Variants in CHD8 observed in about 807,000 individuals in gnomAD.
The protein encoded by CHD8 is chromodomain helicase DNA binding protein 8.
A neutral mutation model predicts 279.2 loss-of-function variants in CHD8; 31 were observed. That is an observed-to-expected ratio of 0.11 (90% CI 0.08 to 0.15). The LOEUF (loss-of-function observed/expected upper bound fraction) is 0.15, where lower values mean the gene tolerates loss of function less well. CHD8 is among the 10% of genes least tolerant of loss of function. The pLI, the probability that CHD8 is intolerant of heterozygous loss-of-function variation, is 1.00. For synonymous variants in CHD8, 1,081 were observed against 1,139.6 expected (o/e 0.95, Z 1.04); for missense variants, 2,146 against 3,230.5 (o/e 0.66, Z 8.14).
chr14:21,447,395 AG>A (rs1594394765), intron 1 of CHD8, among the ~76,000 whole-genome samples: 1 of 148,442 alleles, frequency 6.7e-6, no homozygotes, highest in East Asian at 2.0e-4. Flanking sequence ...TTTTTGAGAC[AG>A]GGTCTCCCCA....
Position 21,431,208 on chromosome 14 carries a change from T to G in CHD8, c.436A>C (p.Ser146Arg). 1 of 1,599,156 alleles carries G rather than the reference T, an allele frequency of 6.3e-7. No homozygotes were observed. Among genetic ancestry groups the G allele is most frequent in the Non-Finnish European group, 8.5e-7 (1 of 1,179,670 alleles). Residue 146 changes from serine (S) to arginine (R), a missense_variant, in exon 2 of 38, where the codon AGT becomes CGT. Ser to Arg is a moderately radical substitution (Grantham distance 110). This residue lies in a region of CHD8 where 302 missense variants were observed against 325.5 expected (regional missense o/e 0.93). Coordinates refer to ENST00000646647, the MANE Select transcript of CHD8 (RefSeq NM_001170629.2). ...MGVSATAVSS[S>R]SAGGQPPQSA... ...TGAGGTGGCTGCCCTCCAGCACTAC[T>G]GGAGGAGACAGCTGTGGCAGAGACA...
intron 16 of CHD8, among the ~76,000 whole-genome samples, chr14:21,404,400 A>G (rs1298872738): frequency 1.6e-5 from 2 of 128,476 alleles, no homozygotes; most frequent in African/African-American, 7.2e-5. Context: ...CTCCATCTTA[A>G]AAAAAAAAAA....
Position 21,385,667 on chromosome 14 carries a change from A to G in CHD8, c.7692T>C (p.Ile2564=). The G allele has an allele frequency of 6.4e-7, 1 of 1,551,904 alleles. No homozygotes were observed. Reference sequence around the variant, plus strand: ...AGTTAGCTGGCATCATAGGATCATCAATGAGTGAGAAGTCCCTTTCTGAGC... The same window carrying G: ...AGTTAGCTGGCATCATAGGATCATCGATGAGTGAGAAGTCCCTTTCTGAGC... The part of the protein sequence containing the change: ...YDSSERDFSL[I]DDPMMPANSD... Residue 2564 remains isoleucine (I), a synonymous_variant, in exon 38 of 38, where the codon ATT becomes ATC. Coordinates refer to ENST00000646647, the MANE Select transcript of CHD8 (RefSeq NM_001170629.2).
intron 1 of CHD8, among the ~76,000 whole-genome samples, chr14:21,442,295 T>C (rs1594390941): frequency 6.6e-6 from 1 of 152,038 alleles, no homozygotes; most frequent in African/African-American, 2.4e-5. Flanking sequence ...GGCGAAACCC[T>C]GTCTCTACAG....
chr14:21,400,145 G>A lies in CHD8; in HGVS notation c.4727+6C>T. 2 of 1,613,692 alleles carry A rather than the reference G, an allele frequency of 1.2e-6. No individual in the cohort carries two copies. The highest frequency in any genetic ancestry group is 1.7e-6 in the Non-Finnish European group (2 of 1,179,716). ...GGTGGAAAATGTCTGCTAATTCTAT[G>A]CTTACTTGTTACACTGATGTTTCAA... On this transcript the variant is annotated splice_donor_region_variant and intron_variant, in intron 24 of 37. Transcript: ENST00000646647. This position sits in a 1 kb window ranked among gnomAD's most constrained non-coding sequence, Gnocchi z 4.2.
intron 13 of CHD8, among the ~76,000 whole-genome samples, chr14:21,407,559 T>C (rs1888303447): frequency 6.6e-6 from 1 of 152,164 alleles, no homozygotes; most frequent in Admixed American, 6.5e-5. Flanking sequence ...TAATACACGA[T>C]GGATAATTCC....
chr14:21,404,626 A>G (rs1302055763), intron 16 of CHD8, among the ~76,000 whole-genome samples: 1 of 152,100 alleles, frequency 6.6e-6, no homozygotes, highest in African/African-American at 2.4e-5. Context: ...TTTTTCTGAG[A>G]CAGGGCTAGC....
intron 5 of CHD8, among the ~76,000 whole-genome samples, chr14:21,420,358 C>T (rs767971257): frequency 1.3e-5 from 2 of 152,204 alleles, no homozygotes; most frequent in Non-Finnish European, 2.9e-5. Flanking sequence ...CTCCCCTCCC[C>T]CTCCTTCCAC....
At chr14:21,447,887 A>G (rs985849573) in intron 1 of CHD8, among the ~76,000 whole-genome samples, 1 of 152,320 alleles carries the variant, frequency 6.6e-6, no homozygotes, top group Non-Finnish European at 1.5e-5. Context: ...GCTCATGGTC[A>G]CTAAGGTGAA....
intron 34 of CHD8, 53 bp from the exon 35 acceptor site, chr14:21,391,999 G>T: frequency 7.5e-7 from 1 of 1,329,572 alleles, no homozygotes; most frequent in Non-Finnish European, 1.1e-6. Context: ...GTTTTTCAAA[G>T]TAAAGATTAA....
At chr14:21,454,833 G>C (rs955621727) in intron 1 of CHD8, 1 of 152,172 alleles carries the variant, frequency 6.6e-6, no homozygotes, top group African/African-American at 2.4e-5. Flanking sequence ...CTTGCTCTAT[G>C]AGGTTGACTA....
At chr14:21,391,186 T>C in intron 36 of CHD8, 123 bp from the exon 37 acceptor site, 1 of 747,018 alleles carries the variant, frequency 1.3e-6, no homozygotes, top group Non-Finnish European at 2.2e-6. Flanking sequence ...TTCATCCTAG[T>C]GGAAAACTGC....
chr14:21,393,817 G>C lies in CHD8; in HGVS notation c.5978C>G (p.Thr1993Ser). 1 of 1,614,028 alleles carries C rather than the reference G, an allele frequency of 6.2e-7. No individual in the cohort carries two copies. The highest frequency in any genetic ancestry group is 1.1e-5 in the South Asian group (1 of 91,086). The part of the protein sequence containing the change: ...PLLHQQYTSR[T>S]ASPLPLRPDA... Reference sequence around the variant, plus strand: ...TGGGCGCAGGGGCAGTGGTGAGGCAGTGCGTGAGGTATACTGCTGGTGCAG... The same window carrying C: ...TGGGCGCAGGGGCAGTGGTGAGGCACTGCGTGAGGTATACTGCTGGTGCAG... The change falls in exon 32 of 38, where the codon ACT (threonine) becomes AGT (serine). Residue 1993 changes from threonine to serine, a missense_variant. By Grantham distance (58) the Thr-to-Ser change is moderately conservative. This residue lies in a region of CHD8 where 513 missense variants were observed against 637.6 expected (regional missense o/e 0.80). Transcript: ENST00000646647.
Position 21,412,933 on chromosome 14 carries a change from T to C in CHD8, c.2206A>G (p.Ile736Val), listed in dbSNP as rs772795888. ...CTCACCTCCCCATTGTCCTTGTCAA[T>C]ACTGTGAGACTCATCCAATATCCTA... Reference protein sequence around the residue: ...VDRILDESHSIDKDNGEPVIY... With the variant: ...VDRILDESHSVDKDNGEPVIY... The change falls in exon 10 of 38, where the codon ATT (isoleucine) becomes GTT (valine). Residue 736 changes from isoleucine to valine, a missense_variant. Physicochemically the swap from Ile to Val is conservative, Grantham distance 29. Coordinates refer to ENST00000646647, the MANE Select transcript of CHD8 (RefSeq NM_001170629.2). The C allele has an allele frequency of 1.9e-6, 3 of 1,606,806 alleles. No individual in the cohort carries two copies. The highest frequency in any genetic ancestry group is 1.7e-5 in the Admixed American group (1 of 59,998).
chr14:21,404,497 G>A (rs901674536), intron 16 of CHD8, among the ~76,000 whole-genome samples: 1 of 151,514 alleles, frequency 6.6e-6, no homozygotes, highest in Admixed American at 6.6e-5. Context: ...AAAAAAAGAT[G>A]TAAATATGTG....
intron 5 of CHD8, among the ~76,000 whole-genome samples, chr14:21,421,300 T>C (rs1889034172): frequency 6.6e-6 from 1 of 151,978 alleles, no homozygotes; most frequent in Non-Finnish European, 1.5e-5. Context: ...ATTAAAGAGA[T>C]ACTACATACA....
intron 5 of CHD8, among the ~76,000 whole-genome samples, chr14:21,420,410 C>T (rs1216398818): frequency 7.2e-5 from 11 of 152,044 alleles, no homozygotes; most frequent in Admixed American, 6.6e-4. Context: ...GGGCCAAAGG[C>T]GGGCAGGACT....
At chr14:21,445,451 C>T (rs1004946701) in intron 1 of CHD8, among the ~76,000 whole-genome samples, 6 of 151,704 alleles carry the variant, frequency 4.0e-5, no homozygotes, top group African/African-American at 1.2e-4. Flanking sequence ...GAGACCGAGG[C>T]GGGTGGATCA....
rs911146595 is a variant in CHD8, at chr14:21,385,637, G to A, written c.7722C>T (p.Asp2574=). 1.2e-5 allele frequency: 18 copies of A among 1,551,686 alleles called. No homozygotes were observed. Among genetic ancestry groups the A allele is most frequent in the Admixed American group, 2.0e-5 (1 of 50,972 alleles). Reference sequence around the variant, plus strand: ...TTCAGTCATCAGCATCTTCACTGGAGTCTGAGTTAGCTGGCATCATAGGAT... The same window carrying A: ...TTCAGTCATCAGCATCTTCACTGGAATCTGAGTTAGCTGGCATCATAGGAT... ...IDDPMMPANS[D]SSEDADD The change falls in exon 38 of 38, where the codon GAC becomes GAT. Residue 2574 remains aspartate, a synonymous_variant. Transcript: ENST00000646647.
Sources: gnomAD v4.1 joint callset for allele counts (sites outside exome capture counted in the v4.1 genomes callset) on GRCh38, gnomAD v4.1.1 for gene constraint, gnomAD v4.1.1 regional missense constraint, Gnocchi (gnomAD v3.1) non-coding constraint, MANE v1.5 for transcripts, NCBI Gene and HGNC (gene_info 2026-07-23, HGNC 2026-07-21) for gene names.